Variants in METTL6 observed in about 807,000 individuals in gnomAD.
METTL6 encodes methyltransferase 6, tRNA N3-cytidine.
METTL6 carries 22 observed loss-of-function variants against 26.4 expected under a neutral mutation model. The observed-to-expected ratio is 0.83, with a 90% confidence interval of 0.59 to 1.19. The LOEUF (loss-of-function observed/expected upper bound fraction) is 1.19. Ranked by LOEUF, METTL6 falls within the 50% of genes most tolerant of loss-of-function variation. The pLI is 0.00. For synonymous variants in METTL6, 109 were observed against 116.2 expected (o/e 0.94, Z 0.40); for missense variants, 304 against 324.8 (o/e 0.94, Z 0.49).
Position 15,403,111 on chromosome 3 carries a change from T to C in METTL6, c.*11+8134A>G, listed in dbSNP as rs113162099. On this transcript the variant is annotated intron_variant, in intron 6 of 6. Transcript: ENST00000443029. ...CACTGTTACATTTTGCAAAGGTGGT[T>C]CCAGGACTTCAGGAATATGCCACCA... Among the ~76,000 whole-genome samples, 1,151 of 152,292 alleles carry C rather than the reference T, an allele frequency of 7.6e-3. 22 individuals are homozygous for C. The highest frequency in any genetic ancestry group is 0.027 in the African/African-American group (1,103 of 41,556).
At chr3:15,401,384 G>C (rs1017907853) in intron 6 of METTL6, among the ~76,000 whole-genome samples, 1 of 151,556 alleles carries the variant, frequency 6.6e-6, no homozygotes, top group Non-Finnish European at 1.5e-5. Context: ...ATATTGTCCA[G>C]CCTGGTCTCG....
At chr3:15,414,921 C>A (rs1344653686) in intron 4 of METTL6, 1 of 1,143,438 alleles carries the variant, frequency 8.7e-7, no homozygotes, top group Admixed American at 3.8e-5. Flanking sequence ...GACCCTGTCT[C>A]AAAAATAAAT....
rs779084210 is a variant in METTL6, at chr3:15,413,819, GAGA to G, written c.673+199_673+201del. The G allele has an allele frequency of 7.7e-5, 115 of 1,491,616 alleles. No homozygotes were observed. In the African/African-American group the frequency reaches 1.5e-3, roughly 20 times the overall value. The allele number at this position is 1,491,616 out of a possible 1,614,324, so 92.4% of individuals were successfully genotyped here. A position where few individuals can be genotyped will look rare whatever the true frequency, so the allele number is the denominator to read the frequency against. On this transcript the variant is annotated intron_variant, in intron 5 of 5. Transcript: ENST00000383790. The stretch of plus-strand genomic sequence containing the variant: ...CTCATTAGGGGAGTCACTGACACCA[GAGA>G]AGGCTTGTGAGCTCTTCAAGGGCAG...
intron 6 of METTL6, chr3:15,399,581 T>TGTGTGTGTGTGTG (rs1553626233): frequency 2.5e-5 from 3 of 118,914 alleles, no homozygotes; most frequent in African/African-American, 9.4e-5. Flanking sequence ...TGTGTGTGTG[T>TGTGTGTGTGTGTG]TGGAGGCTGG....
At chr3:15,419,629 G>A (rs955589722) in intron 3 of METTL6, among the ~76,000 whole-genome samples, 1 of 152,102 alleles carries the variant, frequency 6.6e-6, no homozygotes, top group Non-Finnish European at 1.5e-5. Context: ...TTACATTATT[G>A]GTGAAATTAT....
At chr3:15,402,735 C>CAAAAAA (rs548363790) in intron 6 of METTL6, among the ~76,000 whole-genome samples, 1 of 57,680 alleles carries the variant, frequency 1.7e-5, no homozygotes. Context: ...GATTCCATCT[C>CAAAAAA]AAAAAAAAAA....
At chr3:15,407,629 C>T (rs1017381529), downstream of METTL6, among the ~76,000 whole-genome samples, 1 of 152,180 alleles carries the variant, frequency 6.6e-6, no homozygotes, top group Non-Finnish European at 1.5e-5. Flanking sequence ...CCACTGAGAA[C>T]ACTATTGATG....
At chr3:15,383,876 C>T (rs535845810) in exon 7 of METTL6, 21 of 157,332 alleles carry the variant, frequency 1.3e-4, no homozygotes, top group African/African-American at 1.9e-4. Context: ...GTACCAGCTA[C>T]GTCTAGTATA....
intron 3 of METTL6, among the ~76,000 whole-genome samples, chr3:15,423,289 A>G (rs2061646096): frequency 6.6e-6 from 1 of 152,214 alleles, no homozygotes; most frequent in South Asian, 2.1e-4. Flanking sequence ...GCTACTTGGA[A>G]GGCTGAGGCA....
intron 6 of METTL6, among the ~76,000 whole-genome samples, chr3:15,390,081 AAGAAG>A (rs1699303540): frequency 6.6e-6 from 1 of 152,068 alleles, no homozygotes; most frequent in Non-Finnish European, 1.5e-5. Context: ...ATAGTGAAAA[AAGAAG>A]AGAACAGATT....
At chr3:15,424,833 T>C (rs1191264080) in intron 3 of METTL6, 122 bp downstream of exon 3, 5 of 1,252,030 alleles carry the variant, frequency 4.0e-6, no homozygotes, top group African/African-American at 3.1e-5. Context: ...ACTACATGTA[T>C]GGTGACTATA....
intron 3 of METTL6, among the ~76,000 whole-genome samples, chr3:15,421,381 T>G (rs1274580386): frequency 6.6e-6 from 1 of 152,228 alleles, no homozygotes; most frequent in Non-Finnish European, 1.5e-5. Context: ...GTAAACTGCT[T>G]GTGATTGTGG....
At chr3:15,409,616 C>G (rs570234305), downstream of METTL6, among the ~76,000 whole-genome samples, 1 of 152,188 alleles carries the variant, frequency 6.6e-6, no homozygotes, top group Admixed American at 6.5e-5. Flanking sequence ...CACCAGTCAT[C>G]TTCTCCGAGA....
Position 15,426,393 on chromosome 3 carries a change from T to C in METTL6, c.119A>G (p.Glu40Gly). Residue 40 changes from glutamate (E) to glycine (G), a missense_variant, in exon 2 of 6, where the codon GAG becomes GGG. Coordinates refer to ENST00000383790, the MANE Select transcript of METTL6 (RefSeq NM_152396.4). ...AAAAAGATCCCAATTTTTCTGAGCC[T>C]CTTGTTCCAATTTCTGCTGTTTAAA... ...SDFKQQKLEQ[E>G]AQKNWDLFYK... 6.2e-7 allele frequency: 1 copy of C among 1,614,266 alleles called. No homozygotes were observed. The highest frequency in any genetic ancestry group is 8.5e-7 in the Non-Finnish European group (1 of 1,180,048).
intron 6 of METTL6, among the ~76,000 whole-genome samples, chr3:15,390,631 C>T (rs1325474783): frequency 6.6e-6 from 1 of 152,178 alleles, no homozygotes; most frequent in African/African-American, 2.4e-5. Flanking sequence ...GCCAGTTGCT[C>T]CTCTCTGGCA....
intron 4 of METTL6, chr3:15,414,949 A>G (rs1292103789): frequency 8.8e-7 from 1 of 1,133,822 alleles, no homozygotes; most frequent in Non-Finnish European, 1.1e-6. Context: ...TGTTAGAGAC[A>G]ATAAATGAAA....
chr3:15,406,586 T>TTATATATA (rs57272118), downstream of METTL6, among the ~76,000 whole-genome samples: 2 of 17,896 alleles, frequency 1.1e-4, no homozygotes, highest in Non-Finnish European at 2.0e-4. Flanking sequence ...AAACAAACAG[T>TTATATATA]TATATATATA....
At chr3:15,403,432 T>C (rs888047027) in intron 6 of METTL6, among the ~76,000 whole-genome samples, 1 of 152,240 alleles carries the variant, frequency 6.6e-6, no homozygotes, top group African/African-American at 2.4e-5. Flanking sequence ...CTACGTGTCA[T>C]GTTCTCATCT....
chr3:15,415,918 T>G lies in METTL6; in HGVS notation c.385A>C (p.Arg129=), dbSNP rs1256645511. The G allele has an allele frequency of 6.2e-7, 1 of 1,612,558 alleles. No individual in the cohort carries two copies. The highest frequency in any genetic ancestry group is 1.3e-5 in the African/African-American group (1 of 74,874). The stretch of plus-strand genomic sequence containing the variant: ...AGATCACACTGGAATACCTTGCATC[T>G]TTCTGTATCATATAAAGGATTTTGC... ...VKQNPLYDTE[R]CKVFQCDLTK... is the part of the protein sequence containing the mutation. Residue 129 remains arginine (R), a synonymous_variant, in exon 4 of 6, where the codon AGA becomes CGA. Transcript: ENST00000383790.
Sources: gnomAD v4.1 joint callset for allele counts (sites outside exome capture counted in the v4.1 genomes callset) on GRCh38, gnomAD v4.1.1 for gene constraint, MANE v1.5 for transcripts, NCBI Gene and HGNC (gene_info 2026-07-23, HGNC 2026-07-21) for gene names.